MTMR4: variants seen among roughly 807,000 people sequenced by gnomAD.
MTMR4 encodes the protein myotubularin related protein 4.
MTMR4 carries 30 observed loss-of-function variants against 125.5 expected under a neutral mutation model. The ratio of observed to expected loss-of-function variants is 0.24; its 90% CI spans 0.18 to 0.32. The LOEUF is 0.32. MTMR4 is among the 10% of genes least tolerant of loss of function. The pLI, the probability that MTMR4 is intolerant of heterozygous loss-of-function variation, is 1.00. For missense variants in MTMR4, 1,039 were observed against 1,511.5 expected (o/e 0.69, Z 5.18); for synonymous variants, 498 against 564.5 (o/e 0.88, Z 1.67).
chr17:58,493,066 A>G, intron 15 of MTMR4, 114 bp from the exon 16 acceptor site: 1 of 751,866 alleles, frequency 1.3e-6, no homozygotes, highest in Non-Finnish European at 2.3e-6. Context: ...TTCTTATGAC[A>G]GTCTTACAAT....
chr17:58,496,436 T>C (rs1041457065), intron 14 of MTMR4, 106 bp from the exon 15 acceptor site: 3 of 929,234 alleles, frequency 3.2e-6, no homozygotes, highest in Non-Finnish European at 4.8e-6. Context: ...TTAGAAATAA[T>C]GACACTTAAG....
At chr17:58,498,674 A>C (rs1975539419) in intron 14 of MTMR4, among the ~76,000 whole-genome samples, 1 of 152,022 alleles carries the variant, frequency 6.6e-6, no homozygotes, top group Non-Finnish European at 1.5e-5. Flanking sequence ...AAATCTTTAT[A>C]CCAATTATTT....
In MTMR4 at chr17:58,508,954, C is replaced by T; in HGVS notation, c.336-113G>A. On this transcript the variant is annotated intron_variant, in intron 4 of 17. Coordinates refer to ENST00000682306, the MANE Select transcript of MTMR4 (RefSeq NM_001378067.1). This position sits in a 1 kb window ranked among gnomAD's most constrained non-coding sequence, Gnocchi z 4.8. ...GCTGTGAGGAGAGAAGGCTGCAAAG[C>T]AAGAGGTAAAGCAGTGGGGACCCAG... The T allele has an allele frequency of 1.6e-6, 2 of 1,264,250 alleles. No homozygotes were observed. Among genetic ancestry groups the T allele is most frequent in the Middle Eastern group, 2.7e-4 (1 of 3,642 alleles). 78.3% of individuals were successfully genotyped at this position (1,264,250 alleles called of 1,614,324 possible). A position where few individuals can be genotyped will look rare whatever the true frequency, so the allele number is the denominator to read the frequency against.
In MTMR4 at chr17:58,512,014, T is replaced by G. The variant is rs913164861; in HGVS notation, c.252+376A>C. Among the ~76,000 whole-genome samples, 11 of 151,524 alleles carry G rather than the reference T, an allele frequency of 7.3e-5. No individual in the cohort carries two copies. The highest frequency in any genetic ancestry group is 2.4e-4 in the African/African-American group (10 of 41,210). On this transcript the variant is annotated intron_variant, in intron 3 of 17. Coordinates refer to ENST00000682306, the MANE Select transcript of MTMR4 (RefSeq NM_001378067.1). This position sits in a 1 kb window ranked among gnomAD's most constrained non-coding sequence, Gnocchi z 4.1. ...TTTTTTTTATTTTTTTGAGAGGTAG[T>G]CTCACCCTGTCACCCAAGCTGGACA...
Position 58,506,890 on chromosome 17 carries a change from G to A in MTMR4, c.905-19C>T. On this transcript the variant is annotated intron_variant, in intron 8 of 17. Transcript: ENST00000682306. The stretch of plus-strand genomic sequence containing the variant: ...GAAGAATCTAAACACACAGCAGGAA[G>A]GAGTCCCTGAGTCAGCCAGCCACCC... 1 of 1,607,166 alleles carries A rather than the reference G, an allele frequency of 6.2e-7. No homozygotes were observed. The highest frequency in any genetic ancestry group is 8.5e-7 in the Non-Finnish European group (1 of 1,177,410).
Position 58,508,917 on chromosome 17 carries a change from A to G in MTMR4, c.336-76T>C. 1.3e-6 allele frequency: 2 copies of G among 1,510,124 alleles called. No homozygotes were observed. 93.5% of individuals were successfully genotyped at this position (1,510,124 alleles called of 1,614,324 possible). ...ATGGGGCTATCAGGGCCAAAAACAC[A>G]GCCACAGGAAGGCTGTGAGGAGAGA... On this transcript the variant is annotated intron_variant, in intron 4 of 17. Coordinates refer to ENST00000682306, the MANE Select transcript of MTMR4 (RefSeq NM_001378067.1). This position sits in a 1 kb window ranked among gnomAD's most constrained non-coding sequence, Gnocchi z 4.8.
chr17:58,496,400 C>A, intron 14 of MTMR4, 70 bp from the exon 15 acceptor site: 1 of 1,260,856 alleles, frequency 7.9e-7, no homozygotes, highest in South Asian at 1.5e-5. Context: ...GGAACTGAAT[C>A]AATGGAGCAA....
intron 17 of MTMR4, among the ~76,000 whole-genome samples, chr17:58,492,105 T>A (rs1417795183): frequency 1.3e-5 from 2 of 152,238 alleles, no homozygotes; most frequent in Non-Finnish European, 2.9e-5. Flanking sequence ...ATAGTTTCTA[T>A]AAAGAGGTGT....
In MTMR4 at chr17:58,496,145, G is replaced by A; in HGVS notation, c.2039C>T (p.Pro680Leu). ...TSFVDSGVGG[P>L]QQTVGEVGLP... is the part of the protein sequence containing the mutation. ...ACCCACTTCTCCTACAGTTTGCTGA[G>A]GCCCTCCTACCCCAGAGTCCACAAA... is the stretch of plus-strand genomic sequence containing the variant. Residue 680 changes from proline (P) to leucine (L), a missense_variant, in exon 15 of 18, where the codon CCT (proline) becomes CTT (leucine). Pro to Leu is a moderately conservative substitution (Grantham distance 98). Around this residue, in one of 6 missense-constraint regions of MTMR4, gnomAD observed 619 missense variants for 714.5 expected, o/e 0.87. Coordinates refer to ENST00000682306, the MANE Select transcript of MTMR4 (RefSeq NM_001378067.1). 2.5e-6 allele frequency: 4 copies of A among 1,614,180 alleles called. No individual in the cohort carries two copies. The highest frequency in any genetic ancestry group is 3.4e-6 in the Non-Finnish European group (4 of 1,180,036).
At chr17:58,501,443 G>T (rs1203337874) in intron 14 of MTMR4, among the ~76,000 whole-genome samples, 1 of 151,834 alleles carries the variant, frequency 6.6e-6, no homozygotes, top group African/African-American at 2.4e-5. Flanking sequence ...CTATAATTGT[G>T]CCACTGCACC....
Position 58,503,817 on chromosome 17 carries a change from C to G in MTMR4, c.1780G>C (p.Gly594Arg), listed in dbSNP as rs1276922351. The G allele has an allele frequency of 1.2e-6, 2 of 1,614,018 alleles. No homozygotes were observed. The highest frequency in any genetic ancestry group is 1.3e-5 in the African/African-American group (1 of 74,896). The change falls in exon 14 of 18, where the codon GGG becomes CGG. Residue 594 changes from glycine to arginine, a missense_variant. By Grantham distance (125) the Gly-to-Arg change is moderately radical (BLOSUM62 -2). Around this residue, in one of 6 missense-constraint regions of MTMR4, gnomAD observed 619 missense variants for 714.5 expected, o/e 0.87. Transcript: ENST00000682306. ...AGGTAAAGATCCATGTTTTCTTCCC[C>G]AAGTGTGCATGGAGATGATGCTGGC... The part of the protein sequence containing the change: ...YLPASSPCTL[G>R]EENMDLYLSP...
At chr17:58,501,206 TTAAC>T (rs1975617125) in intron 14 of MTMR4, among the ~76,000 whole-genome samples, 1 of 152,220 alleles carries the variant, frequency 6.6e-6, no homozygotes, top group South Asian at 2.1e-4. Flanking sequence ...ATGTTATATT[TTAAC>T]TTTAAAAACT....
upstream of MTMR4, chr17:58,514,897 C>T: frequency 3.0e-6 from 2 of 667,988 alleles, 1 homozygote; most frequent in Non-Finnish European, 3.7e-6. Flanking sequence ...GCCCCCTCCC[C>T]TAAGTTCCCC....
intron 14 of MTMR4, 94 bp from the exon 15 acceptor site, chr17:58,496,424 G>A: frequency 1.9e-6 from 2 of 1,055,440 alleles, no homozygotes; most frequent in Non-Finnish European, 2.7e-6. Flanking sequence ...CAAAGCCAGA[G>A]TTTAGAAATA....
At position 58,504,069 on chromosome 17, in the gene MTMR4, T is replaced by C; in HGVS notation, c.1679A>G (p.Tyr560Cys). 1.3e-6 allele frequency: 2 copies of C among 1,570,044 alleles called. No homozygotes were observed. Among genetic ancestry groups the C allele is most frequent in the Non-Finnish European group, 1.7e-6 (2 of 1,159,628 alleles). Residue 560 changes from tyrosine (Y) to cysteine (C), a missense_variant, in exon 13 of 18, where the codon TAC becomes TGC. By Grantham distance (194) the Tyr-to-Cys change is radical. Transcript: ENST00000682306. The surrounding 1 kb of genome is among the most constrained non-coding windows in gnomAD (Gnocchi z 7.1). ...ACTCACCATGTCTGAGCTGGGTGTG[T>C]AGAGGAAGTTATGAAAGTTTTTATT... ...AGNKNFHNFL[Y>C]TPSSDMVLHP...
intron 14 of MTMR4, among the ~76,000 whole-genome samples, chr17:58,498,507 G>GAGGAGAAGGAGA (rs1286532442): frequency 7.7e-6 from 1 of 129,182 alleles, no homozygotes; most frequent in Non-Finnish European, 1.6e-5. Context: ...GAAGAAGGAG[G>GAGGAGAAGGAGA]AGGAGAAGGA....
In MTMR4 at chr17:58,508,267, G is replaced by T; in HGVS notation, c.601C>A (p.Pro201Thr). The change falls in exon 7 of 18, where the codon CCC (proline) becomes ACC (threonine). Residue 201 changes from proline (P) to threonine (T), a missense_variant. Physicochemically the swap from Pro to Thr is conservative, Grantham distance 38. Coordinates refer to ENST00000682306, the MANE Select transcript of MTMR4 (RefSeq NM_001378067.1). The surrounding 1 kb of genome is among the most constrained non-coding windows in gnomAD (Gnocchi z 4.8). ...SHINSNYKLCPSYPQKLLVPV... is the reference protein window; with the variant it reads ...SHINSNYKLCTSYPQKLLVPV... ...ACCAGCAGCTTCTGGGGGTAACTGG[G>T]GCACAATCTGAGAAGAGACCAGGTG... The T allele has an allele frequency of 1.2e-6, 2 of 1,613,964 alleles. No homozygotes were observed. Among genetic ancestry groups the T allele is most frequent in the Non-Finnish European group, 8.5e-7 (1 of 1,179,946 alleles).
At position 58,506,726 on chromosome 17, in the gene MTMR4, T is replaced by C; in HGVS notation, c.1033+17A>G. 1 of 1,611,120 alleles carries C rather than the reference T, an allele frequency of 6.2e-7. No individual in the cohort carries two copies. The highest frequency in any genetic ancestry group is 8.5e-7 in the Non-Finnish European group (1 of 1,178,234). ...CAGAGCACAGGCTGGCTGCAGACAC[T>C]GGGATAACAGCAATACCTTCACATT... is the stretch of plus-strand genomic sequence containing the variant. On this transcript the variant is annotated intron_variant, in intron 9 of 17. Transcript: ENST00000682306.
intron 9 of MTMR4, 111 bp downstream of exon 9, chr17:58,506,632 C>CA (rs1198153565): frequency 1.4e-6 from 2 of 1,409,082 alleles, no homozygotes; most frequent in Non-Finnish European, 1.9e-6. Flanking sequence ...GTTGTGATTA[C>CA]AAGCCAGGTT....
Sources: allele counts gnomAD v4.1 joint callset (sites outside exome capture counted in the v4.1 genomes callset), GRCh38; gene constraint gnomAD v4.1.1; regional missense constraint gnomAD v4.1.1; non-coding constraint Gnocchi (gnomAD v3.1); transcripts MANE v1.5; gene names NCBI Gene and HGNC (gene_info 2026-07-23, HGNC 2026-07-21).